The following RPS6KA2 variants were observed in gnomAD, a reference collection of about 807,000 sequenced individuals.
The protein encoded by RPS6KA2 is ribosomal protein S6 kinase A2, also known as ribosomal protein S6 kinase alpha-2.
A neutral mutation model predicts 91.8 loss-of-function variants in RPS6KA2; 42 were observed. That is an observed-to-expected ratio of 0.46 (90% CI 0.36 to 0.59). The LOEUF (loss-of-function observed/expected upper bound fraction) is 0.59. Ranked by LOEUF, RPS6KA2 falls within the 20% of genes least tolerant of loss-of-function variation. RPS6KA2 has a pLI of 0.00. For missense variants in RPS6KA2, 798 were observed against 978.5 expected (o/e 0.82, Z 2.46); for synonymous variants, 414 against 393.6 (o/e 1.05, Z -0.61).
intron 2 of RPS6KA2, among the ~76,000 whole-genome samples, chr6:166,842,214 TC>T (rs1780501461): frequency 6.6e-6 from 1 of 152,000 alleles, no homozygotes; most frequent in South Asian, 2.1e-4. Flanking sequence ...CGAATTATGC[TC>T]CCCAAAAGAT....
upstream of RPS6KA2, among the ~76,000 whole-genome samples, chr6:166,631,496 C>T (rs776441274): frequency 6.6e-6 from 1 of 152,244 alleles, no homozygotes; most frequent in East Asian, 1.9e-4. Flanking sequence ...CCCGCCAGCC[C>T]GCTGTGAGGA....
intron 14 of RPS6KA2, among the ~76,000 whole-genome samples, chr6:166,443,776 G>A (rs1014261562): frequency 1.4e-4 from 21 of 152,238 alleles, no homozygotes; most frequent in African/African-American, 4.8e-4. Context: ...TAATAAATCT[G>A]TGTATATTTT....
intron 2 of RPS6KA2, among the ~76,000 whole-genome samples, chr6:166,750,665 T>C (rs1481262175): frequency 6.6e-6 from 1 of 152,192 alleles, no homozygotes; most frequent in East Asian, 1.9e-4. Context: ...CCCTTGTGCC[T>C]AGAACATGCC....
rs965818380 is a variant in RPS6KA2 at position 166,767,618 on chromosome 6, A to G, written c.123+90582T>C. ...CGGCCAGAATGTGTTGAGCGTCCAC[A>G]ATGTTCCAGGCTTAGCCCCCGCACT... On this transcript the variant is annotated intron_variant, in intron 2 of 21. Transcript: ENST00000503859. This position sits in a 1 kb window ranked among gnomAD's most constrained non-coding sequence, Gnocchi z 4.6. Among the ~76,000 whole-genome samples, 1 of 152,162 alleles carries G rather than the reference A, an allele frequency of 6.6e-6. No individual in the cohort carries two copies. Among genetic ancestry groups the G allele is most frequent in the Non-Finnish European group, 1.5e-5 (1 of 68,028 alleles).
At chr6:166,686,515 G>A (rs1412602419) in intron 2 of RPS6KA2, among the ~76,000 whole-genome samples, 1 of 152,166 alleles carries the variant, frequency 6.6e-6, no homozygotes, top group African/African-American at 2.4e-5. Flanking sequence ...TGCACCCAAG[G>A]CCATGTGGCT....
chr6:166,497,690 C>T (rs1262952029), intron 8 of RPS6KA2, among the ~76,000 whole-genome samples: 1 of 152,138 alleles, frequency 6.6e-6, no homozygotes, highest in Non-Finnish European at 1.5e-5. Flanking sequence ...AGCAAGGGGA[C>T]GAGGAGTAGG....
intron 2 of RPS6KA2, among the ~76,000 whole-genome samples, chr6:166,729,181 A>G (rs185561305): frequency 1.3e-5 from 2 of 152,118 alleles, no homozygotes; most frequent in East Asian, 1.9e-4. Context: ...CGGCCAGACA[A>G]CCCCTTCCAG....
At chr6:166,555,119 C>T (rs188513076) in intron 1 of RPS6KA2, among the ~76,000 whole-genome samples, 29 of 152,252 alleles carry the variant, frequency 1.9e-4, no homozygotes, top group African/African-American at 7.0e-4. Flanking sequence ...TTCCCAGGTA[C>T]GTGGTAGGTT....
chr6:166,522,019 T>C (rs1441227238), intron 3 of RPS6KA2, among the ~76,000 whole-genome samples: 1 of 152,176 alleles, frequency 6.6e-6, no homozygotes, highest in Non-Finnish European at 1.5e-5. Flanking sequence ...AAGATGGCTA[T>C]GAACCAGACA....
chr6:166,530,996 G>A (rs1783254942), intron 3 of RPS6KA2, among the ~76,000 whole-genome samples: 1 of 152,256 alleles, frequency 6.6e-6, no homozygotes, highest in African/African-American at 2.4e-5. Flanking sequence ...ACATATGTGG[G>A]AGAATGGTAT....
intron 1 of RPS6KA2, among the ~76,000 whole-genome samples, chr6:166,550,994 C>CAAAAAAAAAAAAAAAAAAAAAAAA (rs58796308): frequency 4.7e-5 from 5 of 106,368 alleles, no homozygotes; most frequent in African/African-American, 8.9e-5. Context: ...GACTCTATCT[C>CAAAAAAAAAAAAAAAAAAAAAAAA]AAAAAAAAAA....
In RPS6KA2 at chr6:166,726,198, A is replaced by C. The variant is rs1238622819; in HGVS notation, c.123+132002T>G. 6.6e-6 allele frequency among the ~76,000 whole-genome samples: 1 copy of C among 152,156 alleles called. No homozygotes were observed. The highest frequency in any genetic ancestry group is 1.5e-5 in the Non-Finnish European group (1 of 68,026). ...TTTGATAAATCTACTATTTATAAGC[A>C]AAGTCCTAGCCACGGCCATCTGATG... On this transcript the variant is annotated intron_variant, in intron 2 of 21. Coordinates refer to the RPS6KA2 transcript ENST00000503859. The surrounding 1 kb of genome is among the most constrained non-coding windows in gnomAD (Gnocchi z 4.4).
At chr6:166,480,040 CTG>C (rs1272797908) in intron 10 of RPS6KA2, among the ~76,000 whole-genome samples, 2 of 152,102 alleles carry the variant, frequency 1.3e-5, no homozygotes. Flanking sequence ...CCATATCTCT[CTG>C]TGCACTTGTG....
intron 2 of RPS6KA2, among the ~76,000 whole-genome samples, chr6:166,704,565 A>G (rs1446133323): frequency 1.3e-5 from 2 of 152,256 alleles, no homozygotes; most frequent in Non-Finnish European, 2.9e-5. Context: ...AGGTGAACAC[A>G]GCAAGACACC....
intron 2 of RPS6KA2, among the ~76,000 whole-genome samples, chr6:166,798,489 A>G (rs1779280181): frequency 6.6e-6 from 1 of 152,230 alleles, no homozygotes; most frequent in Non-Finnish European, 1.5e-5. Flanking sequence ...AGGGAGCCCC[A>G]AACAGCGTCT....
chr6:166,640,334 A>T (rs534764683), intron 2 of RPS6KA2, among the ~76,000 whole-genome samples: 2 of 152,258 alleles, frequency 1.3e-5, no homozygotes, highest in Non-Finnish European at 2.9e-5. Context: ...AAAATATTTC[A>T]TAAACACCTA....
At chr6:166,456,832 A>T (rs900566993) in intron 12 of RPS6KA2, among the ~76,000 whole-genome samples, 1 of 152,226 alleles carries the variant, frequency 6.6e-6, no homozygotes, top group Non-Finnish European at 1.5e-5. Context: ...ATTAACTGAA[A>T]CTGATTGGAG....
rs1780782966 is a variant in RPS6KA2, at chr6:166,852,930, C to T, written c.123+5270G>A. Among the ~76,000 whole-genome samples, 1 of 152,116 alleles carries T rather than the reference C, an allele frequency of 6.6e-6. No homozygotes were observed. Among genetic ancestry groups the T allele is most frequent in the South Asian group, 2.1e-4 (1 of 4,812 alleles). On this transcript the variant is annotated intron_variant, in intron 2 of 21. Transcript: ENST00000503859. The surrounding 1 kb of genome is among the most constrained non-coding windows in gnomAD (Gnocchi z 4.1). ...TGGTGACAGCAGGAAATGCACCTGC[C>T]CTGCCCCCTCGCCCGGATACTTTCT...
chr6:166,585,373 C>G (rs1428801159), intron 1 of RPS6KA2, among the ~76,000 whole-genome samples: 1 of 152,262 alleles, frequency 6.6e-6, no homozygotes, highest in Non-Finnish European at 1.5e-5. Flanking sequence ...TTATGGTTCT[C>G]CACTATGTTT....
Sources: gnomAD v4.1 joint callset for allele counts (sites outside exome capture counted in the v4.1 genomes callset) on GRCh38, gnomAD v4.1.1 for gene constraint, Gnocchi (gnomAD v3.1) non-coding constraint, MANE v1.5 for transcripts, NCBI Gene and HGNC (gene_info 2026-07-23, HGNC 2026-07-21) for gene names.